Variants in ZNF507 observed in about 807,000 individuals in gnomAD.
ZNF507 encodes zinc finger protein 507.
A neutral mutation model predicts 80.0 loss-of-function variants in ZNF507; 29 were observed. The ratio of observed to expected loss-of-function variants is 0.36; its 90% CI spans 0.27 to 0.49. The LOEUF is 0.49. ZNF507 is among the 20% of genes least tolerant of loss of function. ZNF507 has a pLI of 0.98. For missense variants in ZNF507, 1,081 were observed against 1,152.2 expected, an observed-to-expected ratio of 0.94 and a Z score of 0.90; for synonymous variants, 462 against 422.5, an observed-to-expected ratio of 1.09 and a Z score of -1.15.
At chr19:32,362,844 A>AT in intron 5 of ZNF507, among the ~76,000 whole-genome samples, 1 of 152,310 alleles carries the variant, frequency 6.6e-6, no homozygotes, top group East Asian at 1.9e-4. Flanking sequence ...TGGTGTGGTT[A>AT]TGCCTTAGAT....
rs1967647127 is a variant in ZNF507 at position 32,383,193 on chromosome 19, T to C, written c.*110T>C. The C allele has an allele frequency of 7.0e-7, 1 of 1,422,648 alleles. No individual in the cohort carries two copies. Among genetic ancestry groups the C allele is most frequent in the Non-Finnish European group, 9.4e-7 (1 of 1,058,546 alleles). 88.1% of individuals were successfully genotyped at this position (1,422,648 alleles called of 1,614,324 possible). ...CCACAGAAGAAGTCGTTGATGTGAT[T>C]TTTGAGGAAATGACAGATGTGACTT... On this transcript the variant is annotated 3_prime_UTR_variant, in exon 7 of 7. Transcript: ENST00000355898.
At chr19:32,351,471 G>GTGTGTGTGTGTGTGTGT (rs56408758) in intron 2 of ZNF507, among the ~76,000 whole-genome samples, 1 of 123,260 alleles carries the variant, frequency 8.1e-6, no homozygotes, top group Admixed American at 8.6e-5. Context: ...GTGTGTGTGT[G>GTGTGTGTGTGTGTGTGT]GCGTGGGGGG....
intron 5 of ZNF507, among the ~76,000 whole-genome samples, chr19:32,368,487 A>G (rs945683767): frequency 1.3e-5 from 2 of 152,194 alleles, no homozygotes; most frequent in African/African-American, 2.4e-5. Context: ...GTTGCCTTTT[A>G]TGACCTAACC....
intron 2 of ZNF507, among the ~76,000 whole-genome samples, chr19:32,351,823 G>A (rs1371493741): frequency 2.0e-5 from 3 of 152,074 alleles, no homozygotes. Flanking sequence ...TGTGATCCAA[G>A]TCAACAAATT....
rs750987529 is a variant in ZNF507 at position 32,354,242 on chromosome 19, G to T, written c.1412G>T (p.Gly471Val). 3.1e-6 allele frequency: 5 copies of T among 1,614,066 alleles called. No homozygotes were observed. Among genetic ancestry groups the T allele is most frequent in the Non-Finnish European group, 3.4e-6 (4 of 1,180,038 alleles). The change falls in exon 3 of 7, where the codon GGC (glycine) becomes GTC (valine). Residue 471 changes from glycine (G) to valine (V), a missense_variant. Gly to Val is a moderately radical substitution (Grantham distance 109, BLOSUM62 -3). This residue lies in a region of ZNF507 where 614 missense variants were observed against 583.9 expected (regional missense o/e 1.05). Transcript: ENST00000355898. ...SEKKDELMNK[G>V]LATDENAPPG... ...AAAAAAGACGAGTTAATGAATAAAGGCCTGGCTACTGATGAGAATGCCCCA... is the reference window on the plus strand; with the variant it reads ...AAAAAAGACGAGTTAATGAATAAAGTCCTGGCTACTGATGAGAATGCCCCA...
In ZNF507 at chr19:32,381,608, A is replaced by AAAC. The variant is rs372959149; in HGVS notation, c.2361-835_2361-833dup. ...GGGAGACAGAGCAAGACTCTATCTC[A>AAAC]AACAACAACAACAACAACAACAACA... On this transcript the variant is annotated intron_variant, in intron 5 of 6. Transcript: ENST00000355898. Among the ~76,000 whole-genome samples, 353 of 152,036 alleles carry AAAC rather than the reference A, an allele frequency of 2.3e-3. 2 individuals are homozygous for AAAC. The highest frequency in any genetic ancestry group is 5.9e-3 in the African/African-American group (243 of 41,484).
intron 2 of ZNF507, among the ~76,000 whole-genome samples, chr19:32,349,344 T>C (rs896725859): frequency 6.6e-6 from 1 of 152,202 alleles, no homozygotes; most frequent in South Asian, 2.1e-4. Flanking sequence ...AGAGGGCAAA[T>C]GGATGATGTC....
chr19:32,366,367 AC>A (rs1178613714), intron 5 of ZNF507, among the ~76,000 whole-genome samples: 1 of 152,096 alleles, frequency 6.6e-6, no homozygotes, highest in East Asian at 1.9e-4. Flanking sequence ...TCCAGTCATT[AC>A]CCACCCCTCC....
At chr19:32,359,105 A>AT (rs35853001) in intron 4 of ZNF507, 1 of 152,074 alleles carries the variant, frequency 6.6e-6, no homozygotes, top group East Asian at 1.9e-4. Context: ...TTCACACTTC[A>AT]TTTTTTAGGG....
chr19:32,380,623 A>G (rs1967611152), intron 5 of ZNF507: 3 of 1,535,286 alleles, frequency 2.0e-6, no homozygotes, highest in East Asian at 4.9e-5. Context: ...GAGTTCAGGT[A>G]AGTAAGTTAT....
chr19:32,382,462 TC>T lies in ZNF507; in HGVS notation c.2361-3del, dbSNP rs1224195281. ...CTGATTTTCCCTTGCCTGCCTGTCT[TC>T]CAGATGCTCTCTGTGTGGGTATGTG... On this transcript the variant is annotated splice_region_variant and splice_polypyrimidine_tract_variant and intron_variant, in intron 5 of 6. Coordinates refer to ENST00000355898, the MANE Select transcript of ZNF507 (RefSeq NM_001136156.2). 1 of 1,612,814 alleles carries T rather than the reference TC, an allele frequency of 6.2e-7. No individual in the cohort carries two copies. The highest frequency in any genetic ancestry group is 2.2e-5 in the East Asian group (1 of 44,860).
Position 32,354,061 on chromosome 19 carries a change from C to G in ZNF507, c.1231C>G (p.Gln411Glu), listed in dbSNP as rs1299209139. Residue 411 changes from glutamine to glutamate, a missense_variant, in exon 3 of 7, where the codon CAG (glutamine) becomes GAG (glutamate). Transcript: ENST00000355898. ...RLPSAEETLSQKRFLMNTEME... is the reference protein window; with the variant it reads ...RLPSAEETLSEKRFLMNTEME... ...GCCAAGTGCTGAAGAAACCCTTTCA[C>G]AGAAGCGCTTCCTCATGAACACTGA... 1.2e-6 allele frequency: 2 copies of G among 1,614,096 alleles called. No homozygotes were observed. Among genetic ancestry groups the G allele is most frequent in the South Asian group, 1.1e-5 (1 of 91,080 alleles).
chr19:32,355,027 C>A, intron 3 of ZNF507, 70 bp downstream of exon 3: 1 of 1,385,182 alleles, frequency 7.2e-7, no homozygotes, highest in Non-Finnish European at 9.6e-7. Context: ...CTTTGTAGAT[C>A]TAATCCAATC....
In ZNF507 at chr19:32,382,904, A is replaced by G. The variant is rs1967642770; in HGVS notation, c.2683A>G (p.Lys895Glu). Reference sequence around the variant, plus strand: ...AAGTAATACCTCATATAGTTTAGAAAAAATCTCCAGTCTGGCCCCTCCTAG... The same window carrying G: ...AAGTAATACCTCATATAGTTTAGAAGAAATCTCCAGTCTGGCCCCTCCTAG... Reference protein sequence around the residue: ...PTSNTSYSLEKISSLAPPSME... With the variant: ...PTSNTSYSLEEISSLAPPSME... The change falls in exon 7 of 7, where the codon AAA (lysine) becomes GAA (glutamate). Residue 895 changes from lysine to glutamate, a missense_variant. By Grantham distance (56) the Lys-to-Glu change is moderately conservative. Around this residue, in one of 6 missense-constraint regions of ZNF507, gnomAD observed 138 missense variants for 158.4 expected, o/e 0.87. Coordinates refer to ENST00000355898, the MANE Select transcript of ZNF507 (RefSeq NM_001136156.2). 6.2e-7 allele frequency: 1 copy of G among 1,614,162 alleles called. No individual in the cohort carries two copies. The highest frequency in any genetic ancestry group is 8.5e-7 in the Non-Finnish European group (1 of 1,180,016).
Position 32,385,378 on chromosome 19 carries a change from C to CAT in ZNF507, c.*2300_*2301dup, listed in dbSNP as rs1025653568. 7.2e-5 allele frequency: 11 copies of CAT among 152,282 alleles called. No homozygotes were observed. In the East Asian group the frequency reaches 1.2e-3, roughly 16 times the overall value. The allele number at this position is 152,282 out of a possible 1,614,324, so 9.4% of individuals were successfully genotyped here. A position where few individuals can be genotyped will look rare whatever the true frequency, so the allele number is the denominator to read the frequency against. ...CTTTCTCCTGGCCGATAGGAGGAAG[C>CAT]ATATATCAAGGAGGTTCTTTCCCTT... On this transcript the variant is annotated 3_prime_UTR_variant, in exon 7 of 7. Coordinates refer to ENST00000355898, the MANE Select transcript of ZNF507 (RefSeq NM_001136156.2).
At chr19:32,351,951 G>T (rs1967174426) in intron 2 of ZNF507, among the ~76,000 whole-genome samples, 1 of 151,938 alleles carries the variant, frequency 6.6e-6, no homozygotes, top group Non-Finnish European at 1.5e-5. Context: ...GACTTCCTCA[G>T]CCATAATGCA....
At chr19:32,351,623 A>G (rs577269598) in intron 2 of ZNF507, among the ~76,000 whole-genome samples, 5 of 150,700 alleles carry the variant, frequency 3.3e-5, no homozygotes, top group Admixed American at 1.3e-4. Flanking sequence ...AAGAACAGCC[A>G]TGATTCACCA....
chr19:32,367,052 G>T (rs546461202), intron 5 of ZNF507, among the ~76,000 whole-genome samples: 1 of 152,338 alleles, frequency 6.6e-6, no homozygotes, highest in African/African-American at 2.4e-5. Context: ...TAAAGAAGAG[G>T]TTTATTTGGC....
At chr19:32,348,319 CA>C (rs1967121455) in intron 2 of ZNF507, among the ~76,000 whole-genome samples, 1 of 150,274 alleles carries the variant, frequency 6.7e-6, no homozygotes, top group East Asian at 1.9e-4. Flanking sequence ...TTTTTTTTCC[CA>C]TTTTGGAAAA....
Sources: allele counts gnomAD v4.1 joint callset (sites outside exome capture counted in the v4.1 genomes callset), GRCh38; gene constraint gnomAD v4.1.1; regional missense constraint gnomAD v4.1.1; transcripts MANE v1.5; gene names NCBI Gene and HGNC (gene_info 2026-07-23, HGNC 2026-07-21).